The following RAP1A variants were observed in gnomAD, a reference collection of about 807,000 sequenced individuals.
The protein encoded by RAP1A is ras-related protein Rap-1A.
In RAP1A, 6 loss-of-function variants were observed where a neutral mutation model predicts 26.4. That is an observed-to-expected ratio of 0.23 (90% CI 0.12 to 0.45). RAP1A has a LOEUF of 0.45. Among genes scored for constraint, RAP1A ranks in the 20% least tolerant of loss-of-function variants. The pLI is 0.99. For missense variants in RAP1A, 121 were observed against 217.2 expected (o/e 0.56, Z 2.78); for synonymous variants, 73 against 79.4 (o/e 0.92, Z 0.43).
At chr1:111,651,093 C>T (rs522249) in intron 1 of RAP1A, among the ~76,000 whole-genome samples, 9,321 of 152,198 alleles carry the variant, frequency 0.061, 304 homozygotes, top group South Asian at 0.087. Context: ...TGAGCCACTG[C>T]GCCCGTCTTC....
intron 1 of RAP1A, among the ~76,000 whole-genome samples, chr1:111,676,220 G>T (rs989146188): frequency 4.6e-5 from 7 of 152,176 alleles, no homozygotes; most frequent in African/African-American, 1.7e-4. Flanking sequence ...GCCAGGCATG[G>T]TGGTGGGCGC....
At chr1:111,571,082 A>G (rs545768413) in intron 1 of RAP1A, among the ~76,000 whole-genome samples, 1 of 152,340 alleles carries the variant, frequency 6.6e-6, no homozygotes, top group South Asian at 2.1e-4. Context: ...CTGCCTGACT[A>G]CAAATTCAAG....
intron 7 of RAP1A, among the ~76,000 whole-genome samples, chr1:111,711,850 T>G (rs1662394206): frequency 6.6e-6 from 1 of 152,164 alleles, no homozygotes; most frequent in Admixed American, 6.5e-5. Context: ...CTGAGAGAAA[T>G]TCATCATGTG....
intron 6 of RAP1A, among the ~76,000 whole-genome samples, chr1:111,707,130 A>C (rs1468186197): frequency 2.0e-5 from 3 of 152,224 alleles, no homozygotes; most frequent in Non-Finnish European, 4.4e-5. Flanking sequence ...ACAGAGAGTT[A>C]AATGATTTGA....
intron 1 of RAP1A, among the ~76,000 whole-genome samples, chr1:111,685,178 A>G (rs1254647676): frequency 6.6e-6 from 1 of 152,206 alleles, no homozygotes; most frequent in African/African-American, 2.4e-5. Flanking sequence ...ACCCGAGAAG[A>G]TAACCTAGGC....
intron 1 of RAP1A, among the ~76,000 whole-genome samples, chr1:111,631,404 A>G (rs1659564143): frequency 6.6e-6 from 1 of 152,154 alleles, no homozygotes; most frequent in Non-Finnish European, 1.5e-5. Flanking sequence ...CTACAGGGAG[A>G]AGGGAACTCA....
chr1:111,672,607 CACTTAGG>C (rs1237924788), intron 1 of RAP1A, among the ~76,000 whole-genome samples: 3 of 152,138 alleles, frequency 2.0e-5, no homozygotes, highest in African/African-American at 7.2e-5. Flanking sequence ...GGCAGCCTAA[CACTTAGG>C]ACTCCATAGA....
chr1:111,703,722 G>A (rs962530220), intron 5 of RAP1A, among the ~76,000 whole-genome samples: 1 of 152,196 alleles, frequency 6.6e-6, no homozygotes, highest in Non-Finnish European at 1.5e-5. Context: ...GTGCAGTAGA[G>A]GAAAAAGAGG....
chr1:111,695,196 G>T, intron 2 of RAP1A, 145 bp from the exon 3 acceptor site: 1 of 430,250 alleles, frequency 2.3e-6, no homozygotes, highest in Non-Finnish European at 3.7e-6. Flanking sequence ...TCCTTATATT[G>T]AAAGAATTAA....
At chr1:111,610,947 C>T (rs1448596904) in intron 1 of RAP1A, among the ~76,000 whole-genome samples, 1 of 135,476 alleles carries the variant, frequency 7.4e-6, no homozygotes, top group Non-Finnish European at 1.6e-5. Flanking sequence ...GTGACTTGTA[C>T]TGAATGGAAG....
At chr1:111,577,651 C>T (rs772962177) in intron 1 of RAP1A, among the ~76,000 whole-genome samples, 2 of 151,972 alleles carry the variant, frequency 1.3e-5, no homozygotes, top group Non-Finnish European at 2.9e-5. Flanking sequence ...CTAGCTGTTT[C>T]ACCTGGGCAA....
At chr1:111,596,259 C>T (rs1658562130) in intron 1 of RAP1A, among the ~76,000 whole-genome samples, 2 of 152,066 alleles carry the variant, frequency 1.3e-5, no homozygotes, top group African/African-American at 4.8e-5. Flanking sequence ...TGGGTCCAGC[C>T]AGGTCAACAA....
At chr1:111,618,041 C>A (rs993671160), upstream of RAP1A, among the ~76,000 whole-genome samples, 14 of 144,116 alleles carry the variant, frequency 9.7e-5, no homozygotes, top group Non-Finnish European at 1.5e-4. Context: ...GACTCCGCCT[C>A]AAAAAAAAAA....
At chr1:111,542,208 T>A (rs940563193), upstream of RAP1A, 1 of 563,604 alleles carries the variant, frequency 1.8e-6, no homozygotes. Flanking sequence ...ACCAGCTTAA[T>A]GAAACAGACA....
chr1:111,550,513 C>T (rs1657217719), intron 1 of RAP1A, among the ~76,000 whole-genome samples: 1 of 152,152 alleles, frequency 6.6e-6, no homozygotes, highest in African/African-American at 2.4e-5. Flanking sequence ...CCCTGTATCC[C>T]ATACATTTTT....
Position 111,626,194 on chromosome 1 carries a change from T to G in RAP1A, c.-28+6260T>G, listed in dbSNP as rs76712624. Among the ~76,000 whole-genome samples the G allele has an allele frequency of 1.2e-3, 187 of 152,342 alleles. 5 individuals carry two copies. The East Asian group carries it at 0.024, about 20-fold the overall frequency. On this transcript the variant is annotated intron_variant, in intron 1 of 7. Transcript: ENST00000369709. ...TAAATTGTGAACATTTCACATTCTC[T>G]TAGTTGGTGAACAGCTATTTTGGTG... is the stretch of plus-strand genomic sequence containing the variant.
At chr1:111,656,663 T>C (rs511584) in intron 1 of RAP1A, among the ~76,000 whole-genome samples, 142,448 of 152,190 alleles carry the variant, frequency 0.94, 66,782 homozygotes, top group East Asian at 1. Flanking sequence ...TGATCAATTC[T>C]TCCTCTTTGA....
In RAP1A at chr1:111,558,484, G is replaced by A. The variant is rs111310346; in HGVS notation, c.-28+15975G>A. Among the ~76,000 whole-genome samples, 240 of 152,240 alleles carry A rather than the reference G, an allele frequency of 1.6e-3. 1 individual carries two copies. Among genetic ancestry groups the A allele is most frequent in the African/African-American group, 5.5e-3 (227 of 41,540 alleles). On this transcript the variant is annotated intron_variant, in intron 1 of 7. Transcript: ENST00000356415. ...CTACAGGCATAAGCCAAAGCACCTG[G>A]AGGGAAATAATTTTTAAAAAGCACT...
chr1:111,575,818 C>T (rs2800909), intron 1 of RAP1A, among the ~76,000 whole-genome samples: 141,272 of 152,282 alleles, frequency 0.93, 65,576 homozygotes, highest in Admixed American at 0.95. Flanking sequence ...CAGCCTGGGG[C>T]ATTTTGTTAT....
Sources: gnomAD v4.1 joint callset for allele counts (sites outside exome capture counted in the v4.1 genomes callset) on GRCh38, gnomAD v4.1.1 for gene constraint, MANE v1.5 for transcripts, NCBI Gene and HGNC (gene_info 2026-07-23, HGNC 2026-07-21) for gene names.